PSD2: variants seen among roughly 807,000 people sequenced by gnomAD.
PSD2 encodes pleckstrin and Sec7 domain containing 2, also known as PH and SEC7 domain-containing protein 2.
Under a neutral mutation model 69.8 loss-of-function variants are expected in PSD2, and 38 were observed. That is an observed-to-expected ratio of 0.54 (90% CI 0.42 to 0.71). The LOEUF (loss-of-function observed/expected upper bound fraction) is 0.71. PSD2 is among the 30% of genes least tolerant of loss of function. The pLI is 0.00. For synonymous variants in PSD2, 412 were observed against 423.0 expected, an observed-to-expected ratio of 0.97 and a Z score of 0.32; for missense variants, 943 against 1,014.5, an observed-to-expected ratio of 0.93 and a Z score of 0.96.
intron 7 of PSD2, among the ~76,000 whole-genome samples, chr5:139,831,953 C>G (rs1308919730): frequency 6.6e-6 from 1 of 152,154 alleles, no homozygotes; most frequent in Non-Finnish European, 1.5e-5. Context: ...CCTAAGAGGC[C>G]ACTTAGCCGC....
At chr5:139,753,684 C>A in the PSD2 span, among the ~76,000 whole-genome samples, 1 of 152,118 alleles carries the variant, frequency 6.6e-6, no homozygotes, top group African/African-American at 2.4e-5. Context: ...CAACCAAGGC[C>A]CAGAGAGGCC....
chr5:139,750,666 A>T, the PSD2 span, among the ~76,000 whole-genome samples: 10 of 152,172 alleles, frequency 6.6e-5, no homozygotes, highest in Non-Finnish European at 1.3e-4. Flanking sequence ...CACCCCTGGC[A>T]CCTGGTCAGT....
At chr5:139,803,680 C>T (rs59356196) in intron 1 of PSD2, among the ~76,000 whole-genome samples, 35,745 of 152,144 alleles carry the variant, frequency 0.23, 4,342 homozygotes, top group South Asian at 0.32. Flanking sequence ...GCCCTTGCAG[C>T]ACAAGGCGGT....
chr5:139,787,776 T>C, the PSD2 span, among the ~76,000 whole-genome samples: 21 of 152,152 alleles, frequency 1.4e-4, no homozygotes, highest in African/African-American at 5.1e-4. Context: ...TCCTCTCAAT[T>C]CTCTGTGGTC....
rs138656247 is a variant in PSD2, at chr5:139,806,063, G to A, written c.-50-3328G>A. Among the ~76,000 whole-genome samples the A allele has an allele frequency of 2.2e-3, 334 of 151,994 alleles. 1 individual carries two copies. Among genetic ancestry groups the A allele is most frequent in the Non-Finnish European group, 3.9e-3 (266 of 68,010 alleles). The stretch of plus-strand genomic sequence containing the variant: ...AGCCAGGGTTCCACTATCATTATAG[G>A]ACCTACCTTAGCTGGTGTTGAAAAG... On this transcript the variant is annotated intron_variant, in intron 1 of 14. Transcript: ENST00000274710.
chr5:139,814,974 C>A lies in PSD2; in HGVS notation c.1016+610C>A, dbSNP rs976515. Among the ~76,000 whole-genome samples, 4 of 152,144 alleles carry A rather than the reference C, an allele frequency of 2.6e-5. No homozygotes were observed. The highest frequency in any genetic ancestry group is 9.6e-5 in the African/African-American group (4 of 41,484). On this transcript the variant is annotated intron_variant, in intron 4 of 14. Coordinates refer to ENST00000274710, the MANE Select transcript of PSD2 (RefSeq NM_032289.4). This position sits in a 1 kb window ranked among gnomAD's most constrained non-coding sequence, Gnocchi z 4.4. The stretch of plus-strand genomic sequence containing the variant: ...GACCACCAGTGTGACCACCCACCAC[C>A]TGCCCCTGGCCCTTTCATCCAGATT...
rs928553411 is a variant in PSD2 at position 139,814,469 on chromosome 5, G to A, written c.1016+105G>A. 4.7e-6 allele frequency: 5 copies of A among 1,059,104 alleles called. No homozygotes were observed. Among genetic ancestry groups the A allele is most frequent in the Non-Finnish European group, 6.6e-6 (5 of 762,784 alleles). The allele number at this position is 1,059,104 out of a possible 1,614,324, so 65.6% of individuals were successfully genotyped here. ...TTCAGGGGTGCCAGGTGCTGGGGGGGCACTCCCAACAGTTCCCCAAGGACA... is the reference window on the plus strand; with the variant it reads ...TTCAGGGGTGCCAGGTGCTGGGGGGACACTCCCAACAGTTCCCCAAGGACA... On this transcript the variant is annotated intron_variant, in intron 4 of 14. Transcript: ENST00000274710. This position sits in a 1 kb window ranked among gnomAD's most constrained non-coding sequence, Gnocchi z 4.4.
the PSD2 span, among the ~76,000 whole-genome samples, chr5:139,778,945 C>CAAA: frequency 2.0e-5 from 2 of 99,904 alleles, no homozygotes; most frequent in African/African-American, 3.7e-5. Flanking sequence ...AGAAAAAAAA[C>CAAA]AAAAAAAAAA....
intron 4 of PSD2, 79 bp from the exon 5 acceptor site, chr5:139,817,402 G>A (rs1760147525): frequency 1.5e-6 from 2 of 1,335,426 alleles, no homozygotes; most frequent in African/African-American, 1.4e-5. Context: ...CGGGTACCCT[G>A]GGCCCAAGTA....
At chr5:139,778,501 C>T in the PSD2 span, among the ~76,000 whole-genome samples, 6 of 152,240 alleles carry the variant, frequency 3.9e-5, no homozygotes, top group Admixed American at 1.3e-4. Context: ...AAAGACACCA[C>T]AATTTCTTTA....
At chr5:139,834,809 T>C (rs2126964801) in intron 8 of PSD2, among the ~76,000 whole-genome samples, 1 of 152,132 alleles carries the variant, frequency 6.6e-6, no homozygotes, top group Middle Eastern at 3.4e-3. Flanking sequence ...ACTATCCACC[T>C]ATCCATTTCT....
intron 8 of PSD2, 138 bp downstream of exon 8, chr5:139,833,929 C>T (rs1454528341): frequency 1.6e-5 from 11 of 697,506 alleles, no homozygotes; most frequent in Non-Finnish European, 2.6e-5. Context: ...AGTTAGAAAC[C>T]ACTGAGCTCA....
intron 1 of PSD2, among the ~76,000 whole-genome samples, chr5:139,797,616 T>G (rs886751858): frequency 1.3e-5 from 2 of 152,234 alleles, no homozygotes; most frequent in Non-Finnish European, 2.9e-5. Flanking sequence ...AATGACTTCC[T>G]GCTCTAGACA....
chr5:139,822,377 G>A (rs961551989), intron 6 of PSD2, among the ~76,000 whole-genome samples: 1 of 152,192 alleles, frequency 6.6e-6, no homozygotes, highest in Non-Finnish European at 1.5e-5. Context: ...TAAGTCCCAG[G>A]AACTAGGGGA....
chr5:139,764,860 G>A, the PSD2 span, among the ~76,000 whole-genome samples: 1 of 152,174 alleles, frequency 6.6e-6, no homozygotes, highest in Non-Finnish European at 1.5e-5. Flanking sequence ...GTTCTGGTCA[G>A]GGCAGGATAC....
At chr5:139,746,793 G>A in the PSD2 span, among the ~76,000 whole-genome samples, 4 of 152,184 alleles carry the variant, frequency 2.6e-5, no homozygotes, top group South Asian at 2.1e-4. The surrounding 1 kb of genome is among the most constrained non-coding windows in gnomAD (Gnocchi z 4.5). Flanking sequence ...CGCTCCCGGG[G>A]AAGCCGAGGC....
Position 139,836,798 on chromosome 5 carries a change from A to T in PSD2, c.1404-13A>T. ...CTCCCTGGAGGTGGTGCTCAGGCCT[A>T]GTACTTCCCTAGTGATGAGGATGAG... On this transcript the variant is annotated splice_polypyrimidine_tract_variant and intron_variant, in intron 9 of 14. Transcript: ENST00000274710. 6.2e-7 allele frequency: 1 copy of T among 1,612,682 alleles called. No individual in the cohort carries two copies. The highest frequency in any genetic ancestry group is 8.5e-7 in the Non-Finnish European group (1 of 1,178,910).
the PSD2 span, among the ~76,000 whole-genome samples, chr5:139,766,444 G>T: frequency 2.0e-5 from 3 of 152,116 alleles, no homozygotes; most frequent in Non-Finnish European, 2.9e-5. Context: ...GGAATGGTGG[G>T]GGGCACCCTC....
the PSD2 span, among the ~76,000 whole-genome samples, chr5:139,776,374 T>C: frequency 6.6e-6 from 1 of 152,154 alleles, no homozygotes; most frequent in Non-Finnish European, 1.5e-5. Flanking sequence ...ATGGGTAATT[T>C]CAGCTGAGAA....
Sources: gnomAD v4.1 joint callset for allele counts (sites outside exome capture counted in the v4.1 genomes callset) on GRCh38, gnomAD v4.1.1 for gene constraint, Gnocchi (gnomAD v3.1) non-coding constraint, MANE v1.5 for transcripts, NCBI Gene and HGNC (gene_info 2026-07-23, HGNC 2026-07-21) for gene names.